The following SLC1A6 variants were observed in gnomAD, a reference collection of about 807,000 sequenced individuals.
SLC1A6 encodes excitatory amino acid transporter 4.
A neutral mutation model predicts 42.1 loss-of-function variants in SLC1A6; 15 were observed. That is an observed-to-expected ratio of 0.36 (90% CI 0.24 to 0.55). The LOEUF is 0.55. Among genes scored for constraint, SLC1A6 ranks in the 20% least tolerant of loss-of-function variants. SLC1A6 has a pLI of 0.88. For synonymous variants in SLC1A6, 317 were observed against 319.7 expected (o/e 0.99, Z 0.09); for missense variants, 542 against 772.5 (o/e 0.70, Z 3.54).
At chr19:14,984,165 C>T (rs1568297805), upstream of SLC1A6, among the ~76,000 whole-genome samples, 1 of 151,982 alleles carries the variant, frequency 6.6e-6, no homozygotes, top group Non-Finnish European at 1.5e-5. Context: ...CAAAATTAGC[C>T]AGGTATGGTG....
At chr19:14,968,023 C>A (rs914333406) in intron 4 of SLC1A6, among the ~76,000 whole-genome samples, 4 of 152,144 alleles carry the variant, frequency 2.6e-5, no homozygotes, top group African/African-American at 7.2e-5. Context: ...GACATGGGGT[C>A]ATATGTTACA....
At chr19:14,982,084 G>A (rs1370726595), upstream of SLC1A6, among the ~76,000 whole-genome samples, 1 of 151,184 alleles carries the variant, frequency 6.6e-6, no homozygotes, top group Non-Finnish European at 1.5e-5. Flanking sequence ...ATTTAAAAAT[G>A]AGAAAACAAG....
At chr19:14,964,458 G>T in intron 4 of SLC1A6, 97 bp from the exon 5 acceptor site, 1 of 931,382 alleles carries the variant, frequency 1.1e-6, no homozygotes, top group Non-Finnish European at 1.8e-6. Context: ...CAATAGTGCA[G>T]CCAACATATG....
At chr19:15,006,212 A>G (rs905188608) in intron 1 of SLC1A6, among the ~76,000 whole-genome samples, 12 of 152,214 alleles carry the variant, frequency 7.9e-5, no homozygotes, top group African/African-American at 2.9e-4. Flanking sequence ...CCACAATCCT[A>G]TTACCTGAGT....
chr19:14,969,308 C>T (rs1254702306), intron 3 of SLC1A6, among the ~76,000 whole-genome samples: 1 of 152,230 alleles, frequency 6.6e-6, no homozygotes, highest in Non-Finnish European at 1.5e-5. Flanking sequence ...GCACTGAGTA[C>T]AATAGCTCAG....
At chr19:14,961,835 A>G (rs2045514855) in intron 6 of SLC1A6, 167 bp downstream of exon 6, 1 of 1,006,812 alleles carries the variant, frequency 9.9e-7, no homozygotes, top group Admixed American at 3.0e-5. Flanking sequence ...ACTAGTGATG[A>G]AATCATCCCA....
At chr19:14,992,896 C>T (rs1453120571) in intron 1 of SLC1A6, among the ~76,000 whole-genome samples, 1 of 152,114 alleles carries the variant, frequency 6.6e-6, no homozygotes, top group African/African-American at 2.4e-5. Context: ...GCTAATTCCT[C>T]TGTGGGAAAC....
At chr19:14,959,824 C>T (rs1181472246) in intron 6 of SLC1A6, among the ~76,000 whole-genome samples, 1 of 152,222 alleles carries the variant, frequency 6.6e-6, no homozygotes, top group Non-Finnish European at 1.5e-5. Flanking sequence ...TAACAGGTGA[C>T]CTTCTTCATG....
At chr19:15,005,501 C>A (rs1044594040) in intron 1 of SLC1A6, among the ~76,000 whole-genome samples, 1 of 152,032 alleles carries the variant, frequency 6.6e-6, no homozygotes, top group Non-Finnish European at 1.5e-5. Context: ...AAGAGTGAAA[C>A]TCCTTCTCAC....
At chr19:14,982,920 G>T (rs1177743804), upstream of SLC1A6, among the ~76,000 whole-genome samples, 1 of 151,794 alleles carries the variant, frequency 6.6e-6, no homozygotes, top group Non-Finnish European at 1.5e-5. Flanking sequence ...AAAAATAACT[G>T]TATTTTCCAA....
chr19:14,983,940 C>G (rs1019591530), upstream of SLC1A6, among the ~76,000 whole-genome samples: 13 of 151,938 alleles, frequency 8.6e-5, no homozygotes, highest in Admixed American at 5.3e-4. Context: ...ATGTTGTGAC[C>G]AGGTGCTTAC....
intron 1 of SLC1A6, among the ~76,000 whole-genome samples, chr19:14,989,535 C>T (rs2045808664): frequency 6.6e-6 from 1 of 151,646 alleles, no homozygotes; most frequent in Non-Finnish European, 1.5e-5. Context: ...TGTGGAATTA[C>T]AGGCGTGAGC....
chr19:14,982,124 G>A (rs1250814150), upstream of SLC1A6, among the ~76,000 whole-genome samples: 3 of 151,992 alleles, frequency 2.0e-5, no homozygotes, highest in Non-Finnish European at 4.4e-5. Flanking sequence ...ACAGCCGAGA[G>A]GAGTCTAAGA....
At chr19:15,002,593 A>T (rs1299241264) in intron 1 of SLC1A6, among the ~76,000 whole-genome samples, 2 of 152,222 alleles carry the variant, frequency 1.3e-5, no homozygotes, top group Non-Finnish European at 2.9e-5. Context: ...CACTCAAGGG[A>T]TTACACAGGG....
intron 6 of SLC1A6, among the ~76,000 whole-genome samples, chr19:14,959,829 T>C (rs969128497): frequency 6.6e-6 from 1 of 152,236 alleles, no homozygotes; most frequent in Admixed American, 6.5e-5. Flanking sequence ...GGTGACCTTC[T>C]TCATGACTCC....
chr19:14,981,291 T>TAA (rs569430449), upstream of SLC1A6, among the ~76,000 whole-genome samples: 1 of 136,000 alleles, frequency 7.4e-6, no homozygotes. Context: ...AGACCTTGTC[T>TAA]AAAAAAAAAA....
intron 1 of SLC1A6, among the ~76,000 whole-genome samples, chr19:14,978,796 A>G (rs1166395115): frequency 1.3e-5 from 2 of 152,110 alleles, no homozygotes; most frequent in Admixed American, 1.3e-4. Context: ...ATACACATTC[A>G]TGTACACCCT....
At chr19:14,988,258 C>T (rs1300736286) in intron 1 of SLC1A6, among the ~76,000 whole-genome samples, 2 of 152,192 alleles carry the variant, frequency 1.3e-5, no homozygotes, top group African/African-American at 4.8e-5. Context: ...ACTTTCTCCC[C>T]ACCTCCCTCT....
chr19:14,953,116 A>C, intron 8 of SLC1A6, 54 bp from the exon 9 acceptor site: 13 of 1,386,300 alleles, frequency 9.4e-6, no homozygotes, highest in Non-Finnish European at 1.2e-5. Flanking sequence ...GGCGATGAGG[A>C]AGAGAGAGGA....
Sources: gnomAD v4.1 joint callset for allele counts (sites outside exome capture counted in the v4.1 genomes callset) on GRCh38, gnomAD v4.1.1 for gene constraint, MANE v1.5 for transcripts, NCBI Gene and HGNC (gene_info 2026-07-23, HGNC 2026-07-21) for gene names.